NIPBL: variants seen among roughly 807,000 people sequenced by gnomAD.
NIPBL encodes the protein NIPBL cohesin loading factor.
In NIPBL, 19 loss-of-function variants were observed where a neutral mutation model predicts 321.8. That is an observed-to-expected ratio of 0.06 (90% CI 0.04 to 0.09). The LOEUF (loss-of-function observed/expected upper bound fraction) is 0.09. NIPBL is among the 10% of genes least tolerant of loss of function. NIPBL has a pLI of 1.00. For missense variants in NIPBL, 2,210 were observed against 3,327.0 expected (o/e 0.66, Z 8.26); for synonymous variants, 1,106 against 1,114.1 (o/e 0.99, Z 0.14).
chr5:36,961,595 A>G lies in NIPBL; in HGVS notation c.458+12A>G, dbSNP rs867985299. 13 of 1,431,766 alleles carry G rather than the reference A, an allele frequency of 9.1e-6. No homozygotes were observed. The South Asian group carries it at 1.1e-4, about 13-fold the overall frequency. 88.7% of individuals were successfully genotyped at this position (1,431,766 alleles called of 1,614,324 possible). A position where few individuals can be genotyped will look rare whatever the true frequency, so the allele number is the denominator to read the frequency against. On this transcript the variant is annotated intron_variant, in intron 5 of 46. Coordinates refer to ENST00000282516, the MANE Select transcript of NIPBL (RefSeq NM_133433.4). Reference sequence around the variant, plus strand: ...CATAGCCCCTCCAGGTAATATATGTATATATCGTTTATTAAATATTGTCTT... The same window carrying G: ...CATAGCCCCTCCAGGTAATATATGTGTATATCGTTTATTAAATATTGTCTT...
intron 4 of NIPBL, among the ~76,000 whole-genome samples, chr5:36,959,625 G>GTAT (rs2149604719): frequency 6.6e-6 from 1 of 152,264 alleles, no homozygotes; most frequent in Non-Finnish European, 1.5e-5. Context: ...TAGAGTAGGA[G>GTAT]TATTAGTTTT....
At position 36,996,542 on chromosome 5, in the gene NIPBL, A is replaced by G; in HGVS notation, c.3304+738A>G. The G allele has an allele frequency of 2.2e-6, 1 of 456,314 alleles. No homozygotes were observed. The highest frequency in any genetic ancestry group is 2.3e-5 in the Admixed American group (1 of 42,554). 28.3% of individuals were successfully genotyped at this position (456,314 alleles called of 1,614,324 possible). On this transcript the variant is annotated intron_variant, in intron 11 of 46. Transcript: ENST00000282516. The surrounding 1 kb of genome is among the most constrained non-coding windows in gnomAD (Gnocchi z 5.0). The stretch of plus-strand genomic sequence containing the variant: ...CACCTGTCTTTGCACTAGACTTGCT[A>G]TACCTCGCCTGTCTTCCTACTGGTC...
In NIPBL at chr5:37,048,526, G is replaced by A; in HGVS notation, c.6614G>A (p.Ser2205Asn). 3 of 1,583,616 alleles carry A rather than the reference G, an allele frequency of 1.9e-6. No homozygotes were observed. Among genetic ancestry groups the A allele is most frequent in the South Asian group, 1.2e-5 (1 of 83,872 alleles). The change falls in exon 39 of 47, where the codon AGT becomes AAT. Residue 2205 changes from serine to asparagine, a missense_variant. Ser to Asn is a conservative substitution (Grantham distance 46). This residue lies in a region of NIPBL where 40 missense variants were observed against 55.3 expected (regional missense o/e 0.72). Coordinates refer to ENST00000282516, the MANE Select transcript of NIPBL (RefSeq NM_133433.4). ...GLGFAFIQHP[S>N]LMFEQEVKNL... ...GGATTTGCCTTTATTCAGCATCCAAGTCTAATGTTCGAGCAAGAAGTGAAG... is the reference window on the plus strand; with the variant it reads ...GGATTTGCCTTTATTCAGCATCCAAATCTAATGTTCGAGCAAGAAGTGAAG...
At chr5:36,974,040 AAG>A (rs1023389528) in intron 8 of NIPBL, among the ~76,000 whole-genome samples, 7 of 152,196 alleles carry the variant, frequency 4.6e-5, no homozygotes, top group Non-Finnish European at 5.9e-5. Context: ...CGGCTTCTGA[AAG>A]AGAGAAAAAC....
chr5:36,982,566 C>T (rs1717361627), intron 9 of NIPBL, among the ~76,000 whole-genome samples: 1 of 151,740 alleles, frequency 6.6e-6, no homozygotes, highest in African/African-American at 2.4e-5. Flanking sequence ...GTTTCCCAAT[C>T]TTAATTACTT....
chr5:36,970,432 A>AT (rs1561093597), intron 6 of NIPBL, among the ~76,000 whole-genome samples: 14 of 141,366 alleles, frequency 9.9e-5, no homozygotes, highest in African/African-American at 3.7e-4. Flanking sequence ...TATATATATA[A>AT]AATCTCAGTA....
In NIPBL at chr5:36,962,958, G is replaced by C. The variant is rs1237552809; in HGVS notation, c.610+684G>C. ...AACCAATCCCTCATGGATACTGAGG[G>C]ATGACTACTATGAAAAATTTACTAT... is the stretch of plus-strand genomic sequence containing the variant. On this transcript the variant is annotated intron_variant, in intron 6 of 46. Transcript: ENST00000282516. 2.6e-5 allele frequency among the ~76,000 whole-genome samples: 4 copies of C among 152,150 alleles called. No individual in the cohort carries two copies. In the East Asian group the frequency reaches 5.8e-4, roughly 22 times the overall value.
At chr5:36,920,273 A>G (rs1748830317) in intron 1 of NIPBL, among the ~76,000 whole-genome samples, 1 of 152,194 alleles carries the variant, frequency 6.6e-6, no homozygotes, top group Non-Finnish European at 1.5e-5. Context: ...ACTTGTTACA[A>G]GCATGTTGTC....
In NIPBL at chr5:36,976,057, A is replaced by G. The variant is rs587783881; in HGVS notation, c.1150A>G (p.Asn384Asp). 1.9e-6 allele frequency: 3 copies of G among 1,613,930 alleles called. No individual in the cohort carries two copies. Among genetic ancestry groups the G allele is most frequent in the Admixed American group, 3.3e-5 (2 of 59,966 alleles). The change falls in exon 9 of 47, where the codon AAT (asparagine) becomes GAT (aspartate). Residue 384 changes from asparagine to aspartate, a missense_variant. Coordinates refer to ENST00000282516, the MANE Select transcript of NIPBL (RefSeq NM_133433.4). ...EDMISGVENS[N>D]VSENDIPFNV... is the part of the protein sequence containing the mutation. ...TATGATTTCTGGTGTGGAAAATAGC[A>G]ATGTTTCAGAAAATGATATTCCTTT...
At chr5:36,898,157 G>T (rs1298584693) in intron 1 of NIPBL, among the ~76,000 whole-genome samples, 2 of 152,214 alleles carry the variant, frequency 1.3e-5, no homozygotes, top group South Asian at 4.2e-4. Flanking sequence ...AATCTAGCTA[G>T]CTTATTATGT....
chr5:37,009,995 G>A, intron 20 of NIPBL, 92 bp from the exon 21 acceptor site: 1 of 981,258 alleles, frequency 1.0e-6, no homozygotes, highest in Non-Finnish European at 1.6e-6. Flanking sequence ...AGAAATATTG[G>A]CAAACACAGT....
At chr5:36,935,518 TC>T (rs772224990) in intron 1 of NIPBL, among the ~76,000 whole-genome samples, 2 of 152,148 alleles carry the variant, frequency 1.3e-5, no homozygotes, top group Non-Finnish European at 2.9e-5. Flanking sequence ...AGGGCTCTCT[TC>T]GTTGTGCTTC....
chr5:36,931,342 G>T (rs1444774388), intron 1 of NIPBL, among the ~76,000 whole-genome samples: 1 of 151,694 alleles, frequency 6.6e-6, no homozygotes, highest in Admixed American at 6.6e-5. Context: ...TTTTGAAAAG[G>T]AGTCTCACTC....
intron 14 of NIPBL, among the ~76,000 whole-genome samples, chr5:37,001,768 A>C (rs562841125): frequency 1.3e-5 from 2 of 152,324 alleles, no homozygotes; most frequent in South Asian, 4.1e-4. Context: ...TATTACTTTT[A>C]CAATGACATA....
chr5:36,987,629 CAT>C (rs1285174879), intron 10 of NIPBL, among the ~76,000 whole-genome samples: 3 of 151,488 alleles, frequency 2.0e-5, no homozygotes, highest in Non-Finnish European at 3.0e-5. Context: ...TCTTCGTCAA[CAT>C]TCATTTTTTC....
At chr5:36,980,906 AT>A (rs1744063055) in intron 9 of NIPBL, among the ~76,000 whole-genome samples, 1 of 151,614 alleles carries the variant, frequency 6.6e-6, no homozygotes, top group Non-Finnish European at 1.5e-5. Context: ...TTACCTTGAG[AT>A]TTTGAGATGA....
At chr5:37,003,134 C>T in intron 15 of NIPBL, 127 bp from the exon 16 acceptor site, 2 of 596,558 alleles carry the variant, frequency 3.4e-6, no homozygotes, top group East Asian at 2.8e-5. Flanking sequence ...GGAAAGTTTT[C>T]TTACTCTTTA....
chr5:37,035,800 T>C (rs1372967670), intron 32 of NIPBL, among the ~76,000 whole-genome samples: 1 of 152,240 alleles, frequency 6.6e-6, no homozygotes, highest in Non-Finnish European at 1.5e-5. Context: ...ATATACCTTA[T>C]GACTTTTCTG....
At chr5:37,016,494 A>G (rs781228266) in intron 23 of NIPBL, among the ~76,000 whole-genome samples, 2 of 152,148 alleles carry the variant, frequency 1.3e-5, no homozygotes, top group Non-Finnish European at 2.9e-5. Context: ...TGATTAATAT[A>G]GACTCCTTAT....
Sources: gnomAD v4.1 joint callset for allele counts (sites outside exome capture counted in the v4.1 genomes callset) on GRCh38, gnomAD v4.1.1 for gene constraint, gnomAD v4.1.1 regional missense constraint, Gnocchi (gnomAD v3.1) non-coding constraint, MANE v1.5 for transcripts, NCBI Gene and HGNC (gene_info 2026-07-23, HGNC 2026-07-21) for gene names.